Variants in ASCC3 observed in about 807,000 individuals in gnomAD.
The protein encoded by ASCC3 is activating signal cointegrator 1 complex subunit 3.
ASCC3 carries 158 observed loss-of-function variants against 256.3 expected under a neutral mutation model. That is an observed-to-expected ratio of 0.62 (90% CI 0.54 to 0.70). The LOEUF (loss-of-function observed/expected upper bound fraction) is 0.70, where lower values mean the gene tolerates loss of function less well. ASCC3 is among the 30% of genes least tolerant of loss of function. ASCC3 has a pLI of 0.00. For missense variants in ASCC3, 2,259 were observed against 2,626.0 expected, an observed-to-expected ratio of 0.86 and a Z score of 3.05; for synonymous variants, 948 against 883.4, an observed-to-expected ratio of 1.07 and a Z score of -1.30.
At chr6:100,706,530 T>C (rs1306381453) in intron 13 of ASCC3, among the ~76,000 whole-genome samples, 1 of 151,846 alleles carries the variant, frequency 6.6e-6, no homozygotes, top group East Asian at 1.9e-4. Flanking sequence ...GTACCAGTTC[T>C]TGTGTGATGG....
chr6:100,773,793 A>C (rs914705083), intron 8 of ASCC3, among the ~76,000 whole-genome samples: 2 of 152,170 alleles, frequency 1.3e-5, no homozygotes, highest in African/African-American at 4.8e-5. Flanking sequence ...ACTTGGAAAA[A>C]GAACTATAAT....
intron 1 of ASCC3, among the ~76,000 whole-genome samples, chr6:100,870,878 A>C (rs1773708665): frequency 6.6e-6 from 1 of 152,178 alleles, no homozygotes; most frequent in Non-Finnish European, 1.5e-5. Context: ...AGAGATTCTC[A>C]AACTTTATTA....
intron 3 of ASCC3, among the ~76,000 whole-genome samples, chr6:100,850,836 T>C (rs551108428): frequency 1.3e-5 from 2 of 152,312 alleles, no homozygotes; most frequent in East Asian, 3.9e-4. Context: ...CTATACATTT[T>C]ACTTATAACT....
At chr6:100,845,454 T>A (rs1025251992) in intron 4 of ASCC3, among the ~76,000 whole-genome samples, 3 of 152,282 alleles carry the variant, frequency 2.0e-5, no homozygotes, top group South Asian at 2.1e-4. Flanking sequence ...ATGCTATTTT[T>A]AAAAAAATTT....
intron 19 of ASCC3, 127 bp from the exon 20 acceptor site, chr6:100,650,841 A>G (rs1775633406): frequency 2.6e-6 from 2 of 765,444 alleles, no homozygotes; most frequent in Non-Finnish European, 2.2e-6. Context: ...TTTCTTTCAT[A>G]GAGTTAAATA....
At chr6:100,659,042 G>A (rs561116919) in intron 16 of ASCC3, among the ~76,000 whole-genome samples, 2 of 151,206 alleles carry the variant, frequency 1.3e-5, no homozygotes, top group Non-Finnish European at 3.0e-5. Flanking sequence ...ATTATGCATC[G>A]ATAAGCAAAT....
chr6:100,659,471 GAT>G (rs1776080625), intron 16 of ASCC3, among the ~76,000 whole-genome samples: 1 of 151,336 alleles, frequency 6.6e-6, no homozygotes, highest in Admixed American at 6.6e-5. Context: ...AAAATGTCAG[GAT>G]ATATGTTTTA....
At chr6:100,722,790 T>C (rs1562250232) in intron 11 of ASCC3, among the ~76,000 whole-genome samples, 1 of 151,820 alleles carries the variant, frequency 6.6e-6, no homozygotes, top group Admixed American at 6.6e-5. Flanking sequence ...ATGTGGAATG[T>C]ATAGATTATT....
intron 36 of ASCC3, among the ~76,000 whole-genome samples, chr6:100,568,361 CTT>C (rs1387703793): frequency 7.0e-6 from 1 of 143,838 alleles, no homozygotes; most frequent in African/African-American, 2.6e-5. Flanking sequence ...AAGTGAGACT[CTT>C]GTCTGAAAAA....
intron 8 of ASCC3, among the ~76,000 whole-genome samples, chr6:100,774,380 T>C (rs1249014183): frequency 1.3e-5 from 2 of 152,118 alleles, no homozygotes; most frequent in African/African-American, 4.8e-5. Flanking sequence ...ACTTTTTTTT[T>C]TCGGAGATGC....
intron 10 of ASCC3, among the ~76,000 whole-genome samples, chr6:100,753,693 AGAG>A (rs1374416102): frequency 7.9e-5 from 12 of 152,184 alleles, no homozygotes; most frequent in African/African-American, 2.2e-4. Flanking sequence ...TCTTCTATCT[AGAG>A]GAGAAAATTA....
intron 4 of ASCC3, among the ~76,000 whole-genome samples, chr6:100,844,237 A>T (rs190898048): frequency 1.9e-4 from 28 of 150,678 alleles, no homozygotes; most frequent in African/African-American, 6.6e-4. Context: ...TTGCTTTGTG[A>T]CTTTAGTAAA....
intron 36 of ASCC3, among the ~76,000 whole-genome samples, chr6:100,585,028 C>A (rs1771569577): frequency 6.6e-6 from 1 of 152,054 alleles, no homozygotes; most frequent in African/African-American, 2.4e-5. Context: ...TCCTTCATTT[C>A]AACTTTGGTG....
At chr6:100,637,633 T>C (rs1323642317) in intron 25 of ASCC3, among the ~76,000 whole-genome samples, 1 of 152,136 alleles carries the variant, frequency 6.6e-6, no homozygotes, top group Non-Finnish European at 1.5e-5. Flanking sequence ...CTAGATGCCA[T>C]TAAGAACATT....
chr6:100,849,532 T>C (rs1365422898), intron 3 of ASCC3, among the ~76,000 whole-genome samples: 1 of 152,120 alleles, frequency 6.6e-6, no homozygotes, highest in East Asian at 1.9e-4. Context: ...TTTATTAAGC[T>C]GAAGATAAAG....
At chr6:100,583,210 T>G (rs1183784470) in intron 36 of ASCC3, among the ~76,000 whole-genome samples, 1 of 152,256 alleles carries the variant, frequency 6.6e-6, no homozygotes, top group Non-Finnish European at 1.5e-5. Flanking sequence ...TGAATCCATC[T>G]GGTCCTGGAC....
intron 14 of ASCC3, among the ~76,000 whole-genome samples, chr6:100,672,655 C>T (rs1776807444): frequency 6.6e-6 from 1 of 152,082 alleles, no homozygotes; most frequent in African/African-American, 2.4e-5. Context: ...CTGCTAATCA[C>T]CATCATGTAA....
At chr6:100,830,256 A>C (rs1243390908) in intron 4 of ASCC3, among the ~76,000 whole-genome samples, 1 of 152,000 alleles carries the variant, frequency 6.6e-6, no homozygotes, top group Non-Finnish European at 1.5e-5. Context: ...TAGACAAAAA[A>C]ACTAAAATTT....
chr6:100,570,546 C>G (rs1319990470), intron 36 of ASCC3, among the ~76,000 whole-genome samples: 1 of 152,046 alleles, frequency 6.6e-6, no homozygotes, highest in Non-Finnish European at 1.5e-5. Flanking sequence ...GCTTATTGTT[C>G]CTCACTCCTA....
Sources: allele counts gnomAD v4.1 joint callset (sites outside exome capture counted in the v4.1 genomes callset), GRCh38; gene constraint gnomAD v4.1.1; transcripts MANE v1.5; gene names NCBI Gene and HGNC (gene_info 2026-07-23, HGNC 2026-07-21).